RSF1: variants seen among roughly 807,000 people sequenced by gnomAD.
The protein encoded by RSF1 is remodeling and spacing factor 1, also known as HBV pX-associated protein 8.
Under a neutral mutation model 145.2 loss-of-function variants are expected in RSF1, and 13 were observed. The ratio of observed to expected loss-of-function variants is 0.09; its 90% CI spans 0.06 to 0.14. The LOEUF is 0.14. RSF1 is among the 10% of genes least tolerant of loss of function. The probability of loss-of-function intolerance (pLI) is 1.00; values close to 1 mark genes in which losing one functional copy is unlikely to be tolerated. For synonymous variants in RSF1, 577 were observed against 592.6 expected (o/e 0.97, Z 0.38); for missense variants, 1,517 against 1,718.2 (o/e 0.88, Z 2.07).
the RSF1 span, among the ~76,000 whole-genome samples, chr11:77,852,437 T>G: frequency 6.6e-6 from 1 of 152,054 alleles, no homozygotes; most frequent in East Asian, 1.9e-4. Flanking sequence ...GATTCAGAAT[T>G]CAAACTTCAA....
At chr11:77,808,477 T>G (rs1309425993) in intron 1 of RSF1, among the ~76,000 whole-genome samples, 1 of 151,966 alleles carries the variant, frequency 6.6e-6, no homozygotes, top group Non-Finnish European at 1.5e-5. Context: ...ACGTATGACT[T>G]GTAGTTCTTT....
intron 10 of RSF1, among the ~76,000 whole-genome samples, chr11:77,684,885 G>A (rs1255456857): frequency 2.0e-5 from 3 of 152,114 alleles, no homozygotes; most frequent in African/African-American, 7.2e-5. Context: ...TACTCAGGAG[G>A]CTGAGGCAGG....
intron 1 of RSF1, among the ~76,000 whole-genome samples, chr11:77,787,136 T>C (rs1248971217): frequency 5.4e-4 from 82 of 151,968 alleles, no homozygotes; most frequent in Non-Finnish European, 1.0e-4. Context: ...CCCGGGGAAA[T>C]TACCCAAGGT....
At chr11:77,807,261 A>G (rs1948686582) in intron 1 of RSF1, among the ~76,000 whole-genome samples, 1 of 152,144 alleles carries the variant, frequency 6.6e-6, no homozygotes, top group Non-Finnish European at 1.5e-5. Flanking sequence ...TGCTTTTCCA[A>G]CTTTTACTCA....
the RSF1 span, among the ~76,000 whole-genome samples, chr11:77,832,753 A>G: frequency 6.6e-6 from 1 of 151,102 alleles, no homozygotes; most frequent in Non-Finnish European, 1.5e-5. Flanking sequence ...GCCTGCTGAA[A>G]TTTTTTGTAT....
intron 1 of RSF1, among the ~76,000 whole-genome samples, chr11:77,804,593 T>C (rs779733179): frequency 3.9e-5 from 6 of 152,126 alleles, no homozygotes; most frequent in Non-Finnish European, 5.9e-5. Context: ...TCCCAGAACT[T>C]TGGGAGGCCA....
chr11:77,772,849 A>G (rs1023869486), intron 1 of RSF1, among the ~76,000 whole-genome samples: 11 of 21,762 alleles, frequency 5.1e-4, no homozygotes, highest in South Asian at 4.4e-3. Context: ...CCCAAGATGG[A>G]AAAAAAAAAA....
chr11:77,864,169 C>T, the RSF1 span, among the ~76,000 whole-genome samples: 9 of 152,142 alleles, frequency 5.9e-5, no homozygotes, highest in Admixed American at 1.3e-4. Flanking sequence ...TCAGGTGATA[C>T]GCCCGCCTCA....
chr11:77,700,430 C>T (rs890578102), intron 6 of RSF1, among the ~76,000 whole-genome samples: 1 of 144,722 alleles, frequency 6.9e-6, no homozygotes, highest in Non-Finnish European at 1.5e-5. Flanking sequence ...TATCCCCAAA[C>T]TGTTAATAGT....
At chr11:77,681,404 T>C (rs1404775953) in intron 11 of RSF1, among the ~76,000 whole-genome samples, 2 of 152,152 alleles carry the variant, frequency 1.3e-5, no homozygotes, top group Admixed American at 6.5e-5. Flanking sequence ...ATGTGCAATT[T>C]CCTTCCTTCC....
intron 1 of RSF1, among the ~76,000 whole-genome samples, chr11:77,782,264 G>A (rs1485865714): frequency 6.6e-6 from 1 of 152,226 alleles, no homozygotes; most frequent in Non-Finnish European, 1.5e-5. Context: ...CACGAGGCCA[G>A]AAGTGGTGGC....
At chr11:77,763,814 C>G (rs1362984851) in intron 2 of RSF1, 1 of 151,854 alleles carries the variant, frequency 6.6e-6, no homozygotes, top group Non-Finnish European at 1.5e-5. Flanking sequence ...TGCAAAAATT[C>G]TGAGGAACGA....
intron 1 of RSF1, among the ~76,000 whole-genome samples, 157 bp from the exon 2 acceptor site, chr11:77,764,846 T>G (rs1382277746): frequency 6.6e-6 from 1 of 152,188 alleles, no homozygotes; most frequent in African/African-American, 2.4e-5. Flanking sequence ...CAAAAAAGCC[T>G]AAACTACAGC....
Position 77,692,233 on chromosome 11 carries a change from A to ATTTTTTTTTTTTTTTTT in RSF1, c.2821-1012_2821-996dup, listed in dbSNP as rs71046904. ...AAAAAATAATTATTACTACTTTTAA[A>ATTTTTTTTTTTTTTTTT]TTTTTTTTTTTTTTTTTTTTTTTTT... On this transcript the variant is annotated intron_variant, in intron 8 of 15. Coordinates refer to ENST00000308488, the MANE Select transcript of RSF1 (RefSeq NM_016578.4). Among the ~76,000 whole-genome samples, 84 of 49,472 alleles carry ATTTTTTTTTTTTTTTTT rather than the reference A, an allele frequency of 1.7e-3. 10 individuals carry two copies. The highest frequency in any genetic ancestry group is 2.4e-3 in the African/African-American group (19 of 7,844). The allele number at this position is 49,472 out of a possible 152,430, so 32.5% of individuals were successfully genotyped here.
chr11:77,667,667 T>G (rs1959405035), intron 15 of RSF1, among the ~76,000 whole-genome samples, 176 bp from the exon 16 acceptor site: 1 of 152,156 alleles, frequency 6.6e-6, no homozygotes, highest in African/African-American at 2.4e-5. Flanking sequence ...ATGCCCAATA[T>G]GATTCATGGT....
chr11:77,701,903 T>A lies in RSF1; in HGVS notation c.1326A>T (p.Val442=), dbSNP rs1171515906. The change falls in exon 6 of 16, where the codon GTA becomes GTT. Residue 442 remains valine, a synonymous_variant. Transcript: ENST00000308488. Reference sequence around the variant, plus strand: ...CCCTTTCATCACTAACTTCTCCATTTACCAGCTGTTTCCCTTCATGACCCA... The same window carrying A: ...CCCTTTCATCACTAACTTCTCCATTAACCAGCTGTTTCCCTTCATGACCCA... ...TALGHEGKQL[V]NGEVSDERVA... is the part of the protein sequence containing the mutation. 1 of 1,613,944 alleles carries A rather than the reference T, an allele frequency of 6.2e-7. No individual in the cohort carries two copies. Among genetic ancestry groups the A allele is most frequent in the Non-Finnish European group, 8.5e-7 (1 of 1,179,946 alleles).
At chr11:77,670,863 T>C (rs562784240) in intron 15 of RSF1, among the ~76,000 whole-genome samples, 22 of 151,654 alleles carry the variant, frequency 1.5e-4, no homozygotes, top group African/African-American at 5.3e-4. Context: ...TCCCAGCACT[T>C]TGGGAGGCCA....
chr11:77,869,312 CT>C, the RSF1 span: 497 of 126,956 alleles, frequency 3.9e-3, no homozygotes, highest in South Asian at 0.011. Flanking sequence ...ATCTCTTTTT[CT>C]TTTTTTTTTT....
At chr11:77,689,107 G>A (rs1198780227) in intron 9 of RSF1, among the ~76,000 whole-genome samples, 2 of 152,160 alleles carry the variant, frequency 1.3e-5, no homozygotes, top group East Asian at 3.9e-4. Flanking sequence ...AATCATACTA[G>A]TGTATAAACG....
Sources: gnomAD v4.1 joint callset for allele counts (sites outside exome capture counted in the v4.1 genomes callset) on GRCh38, gnomAD v4.1.1 for gene constraint, MANE v1.5 for transcripts, NCBI Gene and HGNC (gene_info 2026-07-23, HGNC 2026-07-21) for gene names.